Variants in ARL3 observed in about 807,000 individuals in gnomAD.
ARL3 encodes the protein ADP-ribosylation factor-like protein 3.
ARL3 carries 9 observed loss-of-function variants against 26.0 expected under a neutral mutation model. The ratio of observed to expected loss-of-function variants is 0.35; its 90% confidence interval spans 0.21 to 0.60. The LOEUF (loss-of-function observed/expected upper bound fraction) is 0.60, where lower values mean the gene tolerates loss of function less well. Ranked by LOEUF, ARL3 falls within the 20% of genes least tolerant of loss-of-function variation. The pLI is 0.78. For missense variants in ARL3, 158 were observed against 215.7 expected, an observed-to-expected ratio of 0.73 and a Z score of 1.67; for synonymous variants, 71 against 78.4, an observed-to-expected ratio of 0.91 and a Z score of 0.50.
At chr10:102,682,273 CCTT>C (rs1235323213) in intron 5 of ARL3, among the ~76,000 whole-genome samples, 1 of 150,162 alleles carries the variant, frequency 6.7e-6, no homozygotes, top group African/African-American at 2.4e-5. Flanking sequence ...TTGATGATCT[CCTT>C]CTGCTTCTCG....
Position 102,674,796 on chromosome 10 carries a change from G to C in ARL3, c.*2098C>G, listed in dbSNP as rs992593576. The C allele has an allele frequency of 2.0e-5, 3 of 152,238 alleles. No individual in the cohort carries two copies. The highest frequency in any genetic ancestry group is 2.9e-5 in the Non-Finnish European group (2 of 68,064). 9.4% of individuals were successfully genotyped at this position (152,238 alleles called of 1,614,324 possible). On this transcript the variant is annotated 3_prime_UTR_variant, in exon 6 of 6. Coordinates refer to ENST00000260746, the MANE Select transcript of ARL3 (RefSeq NM_004311.4). Reference sequence around the variant, plus strand: ...CGTGTGACATCTGCAGTGTCTCTGTGTCTCTGCAGCTGAGAGCAAATCAGA... The same window carrying C: ...CGTGTGACATCTGCAGTGTCTCTGTCTCTCTGCAGCTGAGAGCAAATCAGA...
intron 1 of ARL3, among the ~76,000 whole-genome samples, chr10:102,710,202 C>G (rs1590129781): frequency 6.6e-6 from 1 of 152,256 alleles, no homozygotes; most frequent in East Asian, 1.9e-4. Context: ...ATGTTTTCTT[C>G]CAGCAAAATG....
intron 2 of ARL3, among the ~76,000 whole-genome samples, chr10:102,703,570 A>G (rs1422913994): frequency 6.7e-6 from 1 of 149,526 alleles, no homozygotes; most frequent in Non-Finnish European, 1.5e-5. Flanking sequence ...CAGCCTCCCA[A>G]GTAGCTGGGA....
chr10:102,713,210 C>A (rs954249155), intron 1 of ARL3, among the ~76,000 whole-genome samples: 3 of 152,014 alleles, frequency 2.0e-5, no homozygotes, highest in African/African-American at 7.3e-5. Flanking sequence ...AGCCAACTAA[C>A]CTGCTTTAAG....
At chr10:102,694,686 GATC>G (rs1381685122) in intron 3 of ARL3, among the ~76,000 whole-genome samples, 1 of 151,866 alleles carries the variant, frequency 6.6e-6, no homozygotes, top group African/African-American at 2.4e-5. Flanking sequence ...CTGTTCTGTT[GATC>G]AATTTGTCTA....
chr10:102,714,222 G>T, intron 1 of ARL3, 51 bp downstream of exon 1: 1 of 1,313,146 alleles, frequency 7.6e-7, no homozygotes, highest in Non-Finnish European at 9.8e-7. Context: ...GCCTGGGGAC[G>T]GGAGGGGGAT....
chr10:102,710,343 G>C (rs2064331473), intron 1 of ARL3, among the ~76,000 whole-genome samples: 1 of 152,208 alleles, frequency 6.6e-6, no homozygotes, highest in Non-Finnish European at 1.5e-5. Flanking sequence ...GATATTTATA[G>C]AGATCAGGGT....
rs566106583 is a variant in ARL3, at chr10:102,704,523, C to T, written c.147+823G>A. Among the ~76,000 whole-genome samples, 5 of 152,136 alleles carry T rather than the reference C, an allele frequency of 3.3e-5. No homozygotes were observed. In the South Asian group the frequency reaches 1.0e-3, roughly 31 times the overall value. ...GCCATGGCGGTGTGCGCCTGTAATCCCAGCTACTAGGGAGGCTGAGGTCCA... is the reference window on the plus strand; with the variant it reads ...GCCATGGCGGTGTGCGCCTGTAATCTCAGCTACTAGGGAGGCTGAGGTCCA... On this transcript the variant is annotated intron_variant, in intron 2 of 5. Transcript: ENST00000260746.
intron 5 of ARL3, among the ~76,000 whole-genome samples, chr10:102,685,611 G>A (rs3740606): frequency 0.26 from 40,204 of 152,092 alleles, 5,547 homozygotes; most frequent in Middle Eastern, 0.38. Flanking sequence ...GAAGCTTGCT[G>A]CACATGTGGG....
In ARL3 at chr10:102,676,911, T is replaced by G; in HGVS notation, c.532A>C (p.Asn178His). ...DGMNWVCKNV[N>H]AKKK ...TCTAGATTTTATTTCTTCTTTGCAT[T>G]GACATTTTTGCAGACCCAGTTCATG... The change falls in exon 6 of 6, where the codon AAT becomes CAT. Residue 178 changes from asparagine to histidine, a missense_variant. Coordinates refer to ENST00000260746, the MANE Select transcript of ARL3 (RefSeq NM_004311.4). 3 of 1,614,214 alleles carry G rather than the reference T, an allele frequency of 1.9e-6. No individual in the cohort carries two copies. The highest frequency in any genetic ancestry group is 2.5e-6 in the Non-Finnish European group (3 of 1,180,012).
chr10:102,714,351 C>T lies in ARL3; in HGVS notation c.-76G>A. On this transcript the variant is annotated 5_prime_UTR_variant, in exon 1 of 6. Transcript: ENST00000260746. Reference sequence around the variant, plus strand: ...ACCAGGGGCAACTGCTGCGGCGCCGCCCCCGACGTCCCTCGCACGCACAGC... The same window carrying T: ...ACCAGGGGCAACTGCTGCGGCGCCGTCCCCGACGTCCCTCGCACGCACAGC... The T allele has an allele frequency of 1.6e-6, 2 of 1,254,988 alleles. No homozygotes were observed. The highest frequency in any genetic ancestry group is 2.0e-6 in the Non-Finnish European group (2 of 984,594). 77.7% of individuals were successfully genotyped at this position (1,254,988 alleles called of 1,614,324 possible). A position where few individuals can be genotyped will look rare whatever the true frequency, so the allele number is the denominator to read the frequency against.
chr10:102,684,945 G>A (rs1461850802), intron 5 of ARL3, among the ~76,000 whole-genome samples: 1 of 149,512 alleles, frequency 6.7e-6, no homozygotes, highest in Non-Finnish European at 1.5e-5. Context: ...ACCTGGCCTT[G>A]ATGTTTTAAA....
chr10:102,693,404 G>A lies in ARL3; in HGVS notation c.265-3461C>T, dbSNP rs111787228. Among the ~76,000 whole-genome samples, 7 of 152,046 alleles carry A rather than the reference G, an allele frequency of 4.6e-5. 1 individual carries two copies. Among genetic ancestry groups the A allele is most frequent in the African/African-American group, 1.7e-4 (7 of 41,464 alleles). On this transcript the variant is annotated intron_variant, in intron 3 of 5. Coordinates refer to ENST00000260746, the MANE Select transcript of ARL3 (RefSeq NM_004311.4). ...CCAGTCTAGTAGGTATTAATATGTAGTACCATATTATTGCTGTTTTAATTT... is the reference window on the plus strand; with the variant it reads ...CCAGTCTAGTAGGTATTAATATGTAATACCATATTATTGCTGTTTTAATTT...
intron 2 of ARL3, among the ~76,000 whole-genome samples, chr10:102,704,678 A>T (rs547345948): frequency 1.3e-5 from 2 of 152,160 alleles, no homozygotes; most frequent in Non-Finnish European, 2.9e-5. Context: ...TAAAAATAAA[A>T]AGAATATAGG....
chr10:102,704,597 A>G (rs921534969), intron 2 of ARL3, among the ~76,000 whole-genome samples: 2 of 152,170 alleles, frequency 1.3e-5, no homozygotes, highest in African/African-American at 2.4e-5. Context: ...CCAAGATTGC[A>G]CTACCACACT....
chr10:102,710,376 A>G (rs1028050834), intron 1 of ARL3, among the ~76,000 whole-genome samples: 1 of 152,218 alleles, frequency 6.6e-6, no homozygotes, highest in Non-Finnish European at 1.5e-5. Flanking sequence ...GTACAAAGTA[A>G]GCTGATTTAA....
chr10:102,706,039 T>G (rs1433780904), intron 1 of ARL3, among the ~76,000 whole-genome samples: 1 of 152,226 alleles, frequency 6.6e-6, no homozygotes, highest in East Asian at 1.9e-4. Flanking sequence ...TTGGGCTTCC[T>G]GTTAATGATT....
chr10:102,712,290 T>G (rs2064346443), intron 1 of ARL3, among the ~76,000 whole-genome samples: 1 of 152,162 alleles, frequency 6.6e-6, no homozygotes. Flanking sequence ...AGTTGTACAG[T>G]TAACCATGGG....
At chr10:102,686,558 A>C (rs1402399789) in intron 4 of ARL3, among the ~76,000 whole-genome samples, 1 of 144,504 alleles carries the variant, frequency 6.9e-6, no homozygotes, top group Non-Finnish European at 1.5e-5. Context: ...TTCACCTCCC[A>C]GGTTCAAGCA....
Sources: gnomAD v4.1 joint callset for allele counts (sites outside exome capture counted in the v4.1 genomes callset) on GRCh38, gnomAD v4.1.1 for gene constraint, MANE v1.5 for transcripts, NCBI Gene and HGNC (gene_info 2026-07-23, HGNC 2026-07-21) for gene names.